Variants in FLNC observed in about 807,000 individuals in gnomAD.
FLNC encodes filamin-C.
Under a neutral mutation model 254.3 loss-of-function variants are expected in FLNC, and 91 were observed. That is an observed-to-expected ratio of 0.36 (90% CI 0.30 to 0.43). FLNC has a LOEUF of 0.43. Ranked by LOEUF, FLNC falls within the 20% of genes least tolerant of loss-of-function variation. The pLI is 1.00. For missense variants in FLNC, 2,853 were observed against 3,802.6 expected (o/e 0.75, Z 6.57); for synonymous variants, 1,430 against 1,577.2 (o/e 0.91, Z 2.21).
chr7:128,833,431 C>G (rs1313579637), intron 1 of FLNC, among the ~76,000 whole-genome samples: 1 of 152,230 alleles, frequency 6.6e-6, no homozygotes, highest in African/African-American at 2.4e-5. Context: ...CTGAGCTCCT[C>G]TCCTCTGCCT....
Position 128,850,042 on chromosome 7 carries a change from C to T in FLNC, c.5266C>T (p.Pro1756Ser), listed in dbSNP as rs1357216378. The T allele has an allele frequency of 2.6e-6, 4 of 1,549,470 alleles. No individual in the cohort carries two copies. Among genetic ancestry groups the T allele is most frequent in the Non-Finnish European group, 3.5e-6 (4 of 1,153,244 alleles). ...EVPQLRQPYA[P>S]PRPGARPTHW... ...GCCACAGCTGCGCCAGCCCTACGCT[C>T]CTCCCCGGCCCGGCGCCCGCCCCAC... is the stretch of plus-strand genomic sequence containing the variant. The change falls in exon 31 of 48, where the codon CCT becomes TCT. Residue 1756 changes from proline to serine, a missense_variant. Pro to Ser is a moderately conservative substitution (Grantham distance 74, BLOSUM62 -1). Coordinates refer to ENST00000325888, the MANE Select transcript of FLNC (RefSeq NM_001458.5).
rs760965562 is a variant in FLNC at position 128,851,224 on chromosome 7, A to C, written c.5540-8A>C. 1 of 1,613,906 alleles carries C rather than the reference A, an allele frequency of 6.2e-7. No homozygotes were observed. Among genetic ancestry groups the C allele is most frequent in the Non-Finnish European group, 8.5e-7 (1 of 1,180,002 alleles). ...CTGACCCAGCCCCCTTTTTCTCTGTATCCCCAGGGAGCCCCTTACAGTTCT... is the reference window on the plus strand; with the variant it reads ...CTGACCCAGCCCCCTTTTTCTCTGTCTCCCCAGGGAGCCCCTTACAGTTCT... On this transcript the variant is annotated splice_polypyrimidine_tract_variant and splice_region_variant and intron_variant, in intron 33 of 47. Transcript: ENST00000325888.
rs1309450983 is a variant in FLNC at position 128,842,179 on chromosome 7, G to T, written c.2122-52G>T. ...GCTGGGTTCACCTGCGGCCAGCAGA[G>T]GGCGCTCTGCAGAGGCCACAGCTAT... On this transcript the variant is annotated intron_variant, in intron 13 of 47. Coordinates refer to ENST00000325888, the MANE Select transcript of FLNC (RefSeq NM_001458.5). The surrounding 1 kb of genome is among the most constrained non-coding windows in gnomAD (Gnocchi z 5.4). 1.2e-5 allele frequency: 20 copies of T among 1,600,302 alleles called. No individual in the cohort carries two copies. Among genetic ancestry groups the T allele is most frequent in the Non-Finnish European group, 1.7e-5 (20 of 1,171,876 alleles).
At position 128,847,683 on chromosome 7, in the gene FLNC, CCTT is replaced by C. The variant is rs745343592; in HGVS notation, c.4289-11_4289-9del. 1.9e-6 allele frequency: 3 copies of C among 1,613,852 alleles called. No individual in the cohort carries two copies. The South Asian group carries it at 3.3e-5, about 18-fold the overall frequency. Reference sequence around the variant, plus strand: ...AGGGCTGGTGGGCAGGGTCTAATGTCCTTCTCCTCACAGGGAGCCCGTTCCGCG... The same window carrying C: ...AGGGCTGGTGGGCAGGGTCTAATGTCCTCCTCACAGGGAGCCCGTTCCGCG... On this transcript the variant is annotated splice_polypyrimidine_tract_variant and intron_variant, in intron 24 of 47. Transcript: ENST00000325888.
rs201663129 is a variant in FLNC at position 128,851,396 on chromosome 7, C to T, written c.5668+36C>T. On this transcript the variant is annotated intron_variant, in intron 34 of 47. Coordinates refer to ENST00000325888, the MANE Select transcript of FLNC (RefSeq NM_001458.5). ...TGCAGGTCGCAGGCTGGGGTGGAGA[C>T]TCACCAGGGGCAGGGGTGAGGGCAG... 295 of 1,614,014 alleles carry T rather than the reference C, an allele frequency of 1.8e-4. 1 individual carries two copies. Among genetic ancestry groups the T allele is most frequent in the African/African-American group, 6.7e-5 (5 of 75,052 alleles).
chr7:128,854,473 C>T lies in FLNC; in HGVS notation c.6788C>T (p.Ala2263Val). ...ACCAGCCCATCGGGCAAGGTGGAAGCCGCAGAGATCGTCGAGGGCGAGGAC... is the reference window on the plus strand; with the variant it reads ...ACCAGCCCATCGGGCAAGGTGGAAGTCGCAGAGATCGTCGAGGGCGAGGAC... The part of the protein sequence containing the change: ...QVTSPSGKVE[A>V]AEIVEGEDSA... The change falls in exon 41 of 48, where the codon GCC becomes GTC. Residue 2263 changes from alanine to valine, a missense_variant. Physicochemically the swap from Ala to Val is moderately conservative, Grantham distance 64. This residue lies in a region of FLNC where 551 missense variants were observed against 835.0 expected (regional missense o/e 0.66). Coordinates refer to ENST00000325888, the MANE Select transcript of FLNC (RefSeq NM_001458.5). 6.2e-7 allele frequency: 1 copy of T among 1,608,506 alleles called. No homozygotes were observed. Among genetic ancestry groups the T allele is most frequent in the Non-Finnish European group, 8.5e-7 (1 of 1,177,956 alleles).
Position 128,850,459 on chromosome 7 carries a change from G to A in FLNC, c.5374G>A (p.Ala1792Thr), listed in dbSNP as rs201348102. ...GCCCTTCAACCTGGTCATCCCCTTC[G>A]CGGTGCAGAAAGGGGAGCTCACAGG... Reference protein sequence around the residue: ...LRPFNLVIPFAVQKGELTGEV... With the variant: ...LRPFNLVIPFTVQKGELTGEV... The change falls in exon 32 of 48, where the codon GCG becomes ACG. Residue 1792 changes from alanine (A) to threonine (T), a missense_variant. Around this residue, in one of 10 missense-constraint regions of FLNC, gnomAD observed 258 missense variants for 312.3 expected, o/e 0.83. Transcript: ENST00000325888. The A allele has an allele frequency of 3.8e-4, 616 of 1,613,514 alleles. No individual in the cohort carries two copies. Among genetic ancestry groups the A allele is most frequent in the Non-Finnish European group, 5.0e-4 (586 of 1,179,860 alleles).
intron 28 of FLNC, 44 bp downstream of exon 28, chr7:128,849,026 C>T (rs776175546): frequency 5.0e-6 from 8 of 1,601,344 alleles, no homozygotes; most frequent in Middle Eastern, 2.0e-4. Flanking sequence ...CCACCCAGCC[C>T]CTCAAAGCCC....
chr7:128,848,939 C>T lies in FLNC; in HGVS notation c.4884C>T (p.Ile1628=). 1 of 1,613,654 alleles carries T rather than the reference C, an allele frequency of 6.2e-7. No homozygotes were observed. Among genetic ancestry groups the T allele is most frequent in the Non-Finnish European group, 8.5e-7 (1 of 1,179,968 alleles). ...GDEIPYSPFR[I]HALPTGDASK... ...AGATCCCCTACTCGCCCTTCCGCAT[C>T]CATGCTCTGCCCACTGGGGATGCCA... is the stretch of plus-strand genomic sequence containing the variant. Residue 1628 remains isoleucine, a synonymous_variant, in exon 28 of 48, where the codon ATC becomes ATT. Transcript: ENST00000325888.
rs780132899 is a variant in FLNC, at chr7:128,847,769, G to T, written c.4361G>T (p.Gly1454Val). Residue 1454 changes from glycine to valine, a missense_variant, in exon 25 of 48, where the codon GGG becomes GTG. By Grantham distance (109) the Gly-to-Val change is moderately radical (BLOSUM62 -3). Transcript: ENST00000325888. Reference protein sequence around the residue: ...GKVKCSGPGLGAGVRARVPQT... With the variant: ...GKVKCSGPGLVAGVRARVPQT... ...GTGAAGTGCTCAGGGCCAGGGCTGGGGGCTGGTGTCAGGGCCCGGGTTCCT... is the reference window on the plus strand; with the variant it reads ...GTGAAGTGCTCAGGGCCAGGGCTGGTGGCTGGTGTCAGGGCCCGGGTTCCT... The T allele has an allele frequency of 6.2e-7, 1 of 1,614,096 alleles. No homozygotes were observed. The highest frequency in any genetic ancestry group is 2.2e-5 in the East Asian group (1 of 44,880).
Position 128,842,211 on chromosome 7 carries a change from T to C in FLNC, c.2122-20T>C. The C allele has an allele frequency of 6.2e-7, 1 of 1,613,228 alleles. No individual in the cohort carries two copies. Among genetic ancestry groups the C allele is most frequent in the Non-Finnish European group, 8.5e-7 (1 of 1,179,786 alleles). On this transcript the variant is annotated intron_variant, in intron 13 of 47. Coordinates refer to ENST00000325888, the MANE Select transcript of FLNC (RefSeq NM_001458.5). The surrounding 1 kb of genome is among the most constrained non-coding windows in gnomAD (Gnocchi z 5.4). ...CTGCAGAGGCCACAGCTATGAACTT[T>C]GCTTGGGTGATGCCCACAGGACGCC...
At chr7:128,849,240 C>T in intron 29 of FLNC, 36 bp downstream of exon 29, 1 of 1,614,128 alleles carries the variant, frequency 6.2e-7, no homozygotes, top group South Asian at 1.1e-5. Flanking sequence ...TGGTGTGGGC[C>T]AGGGTGGTTG....
intron 1 of FLNC, among the ~76,000 whole-genome samples, chr7:128,835,000 C>T (rs578173604): frequency 6.6e-6 from 1 of 152,326 alleles, no homozygotes; most frequent in South Asian, 2.1e-4. Flanking sequence ...AACAAAAAGG[C>T]TCTGCCCTGG....
At chr7:128,833,981 CGGGGCAGGTGGGAGT>C (rs1807993761) in intron 1 of FLNC, among the ~76,000 whole-genome samples, 1 of 152,116 alleles carries the variant, frequency 6.6e-6, no homozygotes, top group Non-Finnish European at 1.5e-5. Context: ...GCACCCCTCC[CGGGGCAGGTGGGAGT>C]GGGGCAGGGG....
intron 1 of FLNC, among the ~76,000 whole-genome samples, chr7:128,834,952 G>C (rs1018417952): frequency 1.3e-5 from 2 of 152,204 alleles, no homozygotes; most frequent in East Asian, 1.9e-4. Context: ...TGTGCAGTTT[G>C]CTGTATGTCA....
Position 128,848,834 on chromosome 7 carries a change from T to G in FLNC, c.4779T>G (p.Asn1593Lys), listed in dbSNP as rs948081935. The G allele has an allele frequency of 2.5e-6, 4 of 1,613,804 alleles. No individual in the cohort carries two copies. In the African/African-American group the frequency reaches 5.3e-5, roughly 22 times the overall value. ...CCAAGAAGGCCAACATCCGGGACAA[T>G]GGGGATGGCACGTACACTGTGTCCT... Reference protein sequence around the residue: ...GKPKKANIRDNGDGTYTVSYL... With the variant: ...GKPKKANIRDKGDGTYTVSYL... The change falls in exon 28 of 48, where the codon AAT becomes AAG. Residue 1593 changes from asparagine to lysine, a missense_variant. Asn to Lys is a moderately conservative substitution (Grantham distance 94). Around this residue, in one of 10 missense-constraint regions of FLNC, gnomAD observed 1,573 missense variants for 1,883.5 expected, o/e 0.84. Coordinates refer to ENST00000325888, the MANE Select transcript of FLNC (RefSeq NM_001458.5).
intron 16 of FLNC, 55 bp from the exon 17 acceptor site, chr7:128,843,174 G>C: frequency 5.3e-6 from 8 of 1,502,336 alleles, no homozygotes; most frequent in Non-Finnish European, 7.3e-6. Context: ...GCATCTAGCT[G>C]AGAGCAGGGG....
Position 128,850,033 on chromosome 7 carries a change from C to A in FLNC, c.5257C>A (p.Pro1753Thr), listed in dbSNP as rs573399358. 22 of 1,559,088 alleles carry A rather than the reference C, an allele frequency of 1.4e-5. No homozygotes were observed. In the South Asian group the frequency reaches 2.3e-4, roughly 17 times the overall value. The part of the protein sequence containing the change: ...EPSEVPQLRQ[P>T]YAPPRPGARP... ...CTCTGAAGTGCCACAGCTGCGCCAG[C>A]CCTACGCTCCTCCCCGGCCCGGCGC... The change falls in exon 31 of 48, where the codon CCC (proline) becomes ACC (threonine). Residue 1753 changes from proline (P) to threonine (T), a missense_variant. Transcript: ENST00000325888.
chr7:128,841,088 A>G lies in FLNC; in HGVS notation c.1814-82A>G. On this transcript the variant is annotated intron_variant, in intron 11 of 47. Coordinates refer to ENST00000325888, the MANE Select transcript of FLNC (RefSeq NM_001458.5). The surrounding 1 kb of genome is among the most constrained non-coding windows in gnomAD (Gnocchi z 4.3). Reference sequence around the variant, plus strand: ...GCTGGGGTGAGCAGGGAGATAGGACATGAGGGCAGCTAGAGGGGAGCTGGG... The same window carrying G: ...GCTGGGGTGAGCAGGGAGATAGGACGTGAGGGCAGCTAGAGGGGAGCTGGG... The G allele has an allele frequency of 1.3e-6, 2 of 1,579,080 alleles. No homozygotes were observed. The highest frequency in any genetic ancestry group is 1.1e-5 in the South Asian group (1 of 89,828).
Sources: allele counts gnomAD v4.1 joint callset (sites outside exome capture counted in the v4.1 genomes callset), GRCh38; gene constraint gnomAD v4.1.1; regional missense constraint gnomAD v4.1.1; non-coding constraint Gnocchi (gnomAD v3.1); transcripts MANE v1.5; gene names NCBI Gene and HGNC (gene_info 2026-07-23, HGNC 2026-07-21).